The following PHF20 variants were observed in gnomAD, a reference collection of about 807,000 sequenced individuals.
PHF20 encodes the protein PHD finger protein 20, also known as glioma-expressed antigen 2.
PHF20 carries 23 observed loss-of-function variants against 113.5 expected under a neutral mutation model. The ratio of observed to expected loss-of-function variants is 0.20; its 90% CI spans 0.15 to 0.29. The LOEUF (loss-of-function observed/expected upper bound fraction) is 0.29. PHF20 is among the 10% of genes least tolerant of loss of function. PHF20 has a pLI of 1.00. For missense variants in PHF20, 943 were observed against 1,219.6 expected, an observed-to-expected ratio of 0.77 and a Z score of 3.38; for synonymous variants, 434 against 457.3, an observed-to-expected ratio of 0.95 and a Z score of 0.65.
intron 9 of PHF20, among the ~76,000 whole-genome samples, chr20:35,895,905 T>G (rs1445925093): frequency 6.6e-6 from 1 of 152,168 alleles, no homozygotes; most frequent in Non-Finnish European, 1.5e-5. Flanking sequence ...CAGGCTGGTC[T>G]GGAATTCCCG....
intron 1 of PHF20, among the ~76,000 whole-genome samples, chr20:35,794,814 C>T (rs956663910): frequency 6.6e-6 from 1 of 152,136 alleles, no homozygotes; most frequent in Non-Finnish European, 1.5e-5. Flanking sequence ...GCAAGACTTC[C>T]AGTTACCATA....
intron 9 of PHF20, among the ~76,000 whole-genome samples, chr20:35,894,639 AC>A (rs1770245542): frequency 6.6e-6 from 1 of 152,186 alleles, no homozygotes; most frequent in Non-Finnish European, 1.5e-5. Context: ...TGTGCCGTAC[AC>A]CTTTCTAAGC....
intron 2 of PHF20, among the ~76,000 whole-genome samples, chr20:35,841,975 G>C (rs1489865335): frequency 1.3e-5 from 2 of 152,092 alleles, no homozygotes; most frequent in African/African-American, 4.8e-5. Flanking sequence ...ATGTCATCTT[G>C]TTTAATCCAC....
intron 13 of PHF20, among the ~76,000 whole-genome samples, chr20:35,920,582 C>T (rs1462900734): frequency 6.6e-6 from 1 of 152,086 alleles, no homozygotes; most frequent in Non-Finnish European, 1.5e-5. Flanking sequence ...CCCAGGGCAC[C>T]CAGTCAAGTG....
intron 4 of PHF20, chr20:35,853,359 C>T (rs1051093555): frequency 1.3e-5 from 2 of 152,172 alleles, no homozygotes; most frequent in African/African-American, 4.8e-5. Flanking sequence ...TACTTTCAGA[C>T]CAGCCTGAGA....
At chr20:35,894,060 GATA>G (rs1344305670) in intron 9 of PHF20, among the ~76,000 whole-genome samples, 8 of 152,214 alleles carry the variant, frequency 5.3e-5, no homozygotes, top group Non-Finnish European at 1.2e-4. Context: ...AAAAGGTGGA[GATA>G]ATAATCACAC....
At chr20:35,841,410 A>G (rs559453973) in intron 2 of PHF20, among the ~76,000 whole-genome samples, 39 of 152,118 alleles carry the variant, frequency 2.6e-4, no homozygotes, top group African/African-American at 5.8e-4. Context: ...TCTGAATCAT[A>G]TAACTGTATA....
At position 35,899,773 on chromosome 20, in the gene PHF20, C is replaced by T. The variant is rs1568732555; in HGVS notation, c.1561+125C>T. ...TCCAGTTGAATCCCACAGGACTGAA[C>T]ATATTAAGTGATCCTCTGGGCTGTG... On this transcript the variant is annotated intron_variant, in intron 10 of 17. Coordinates refer to ENST00000374012, the MANE Select transcript of PHF20 (RefSeq NM_016436.5). The T allele has an allele frequency of 6.1e-6, 6 of 988,550 alleles. No homozygotes were observed. In the East Asian group the frequency reaches 1.0e-4, roughly 16 times the overall value. The allele number at this position is 988,550 out of a possible 1,614,324, so 61.2% of individuals were successfully genotyped here. A position where few individuals can be genotyped will look rare whatever the true frequency, so the allele number is the denominator to read the frequency against.
chr20:35,896,077 T>C (rs1040438198), intron 9 of PHF20, among the ~76,000 whole-genome samples: 7 of 143,054 alleles, frequency 4.9e-5, no homozygotes, highest in Admixed American at 7.0e-5. Flanking sequence ...CATTATGCTT[T>C]GGGATGTGTG....
rs1385077985 is a variant in PHF20, at chr20:35,793,995, C to CAAAACAAAAAAAA, written c.-32-7492_-32-7491insCAAAAAAAAAAAA. Reference sequence around the variant, plus strand: ...GGGCGACAAGAGCGGGACTCTGTCTCAAAAAAAAAAAAAAAAAAAAAAGGC... The same window carrying CAAAACAAAAAAAA: ...GGGCGACAAGAGCGGGACTCTGTCTCAAAACAAAAAAAAAAAAAAAAAAAAAAAAAAAAAAGGC... On this transcript the variant is annotated intron_variant, in intron 1 of 17. Coordinates refer to ENST00000374012, the MANE Select transcript of PHF20 (RefSeq NM_016436.5). 1.5e-4 allele frequency among the ~76,000 whole-genome samples: 5 copies of CAAAACAAAAAAAA among 33,836 alleles called. 1 individual carries two copies. The highest frequency in any genetic ancestry group is 3.8e-4 in the African/African-American group (3 of 7,866). 22.2% of individuals were successfully genotyped at this position (33,836 alleles called of 152,430 possible). A position where few individuals can be genotyped will look rare whatever the true frequency, so the allele number is the denominator to read the frequency against.
rs369297789 is a variant in PHF20, at chr20:35,873,465, TG to T, written c.1282+1637del. Among the ~76,000 whole-genome samples the T allele has an allele frequency of 9.6e-3, 1,005 of 104,302 alleles. 22 individuals carry two copies. The highest frequency in any genetic ancestry group is 0.021 in the Middle Eastern group (4 of 190). 68.4% of individuals were successfully genotyped at this position (104,302 alleles called of 152,430 possible). A position where few individuals can be genotyped will look rare whatever the true frequency, so the allele number is the denominator to read the frequency against. ...TTTGGCTGTGTTTTGTCTGTTTTTT[TG>T]TTTTTTTTTTTTTTTTTTTTAAGAC... is the stretch of plus-strand genomic sequence containing the variant. On this transcript the variant is annotated intron_variant, in intron 9 of 17. Coordinates refer to ENST00000374012, the MANE Select transcript of PHF20 (RefSeq NM_016436.5).
intron 2 of PHF20, among the ~76,000 whole-genome samples, chr20:35,805,142 G>A (rs1006507925): frequency 2.0e-5 from 3 of 151,578 alleles, no homozygotes; most frequent in Non-Finnish European, 2.9e-5. Flanking sequence ...GGCCTCAGGC[G>A]ATCTGCCCAA....
chr20:35,843,945 A>G (rs919919008), intron 3 of PHF20, among the ~76,000 whole-genome samples: 1 of 152,038 alleles, frequency 6.6e-6, no homozygotes, highest in Non-Finnish European at 1.5e-5. Context: ...TTTTATCTCT[A>G]TGCCTGGAGC....
chr20:35,855,260 G>T, intron 4 of PHF20: 1 of 1,336,534 alleles, frequency 7.5e-7, no homozygotes, highest in East Asian at 4.8e-5. Context: ...TGACAATATA[G>T]GCAGGTAAAA....
At chr20:35,792,596 G>T (rs1334592126) in intron 1 of PHF20, among the ~76,000 whole-genome samples, 1 of 151,786 alleles carries the variant, frequency 6.6e-6, no homozygotes. Flanking sequence ...AAGTAAAAGG[G>T]ACTAATTCCC....
Position 35,785,784 on chromosome 20 carries a change from C to T in PHF20, c.-33+13705C>T, listed in dbSNP as rs879616448. Among the ~76,000 whole-genome samples, 8 of 151,106 alleles carry T rather than the reference C, an allele frequency of 5.3e-5. No homozygotes were observed. In the South Asian group the frequency reaches 6.3e-4, roughly 12 times the overall value. On this transcript the variant is annotated intron_variant, in intron 1 of 17. Transcript: ENST00000374012. ...ATTAAGAAATTCTGTAAGAATAGGCCGGGTGTGGTGGCTCACGCTTGTAAT... is the reference window on the plus strand; with the variant it reads ...ATTAAGAAATTCTGTAAGAATAGGCTGGGTGTGGTGGCTCACGCTTGTAAT...
rs796592062 is a variant in PHF20 at position 35,865,524 on chromosome 20, A to G, written c.808+2124A>G. ...TTTTTTTTTTTTTTTTTTTTTTTTG[A>G]CAGGGTCTCACTCTGTTACCTAGGC... is the stretch of plus-strand genomic sequence containing the variant. On this transcript the variant is annotated intron_variant, in intron 6 of 17. Coordinates refer to ENST00000374012, the MANE Select transcript of PHF20 (RefSeq NM_016436.5). 5.9e-3 allele frequency among the ~76,000 whole-genome samples: 251 copies of G among 42,352 alleles called. 2 individuals carry two copies. Among genetic ancestry groups the G allele is most frequent in the African/African-American group, 0.032 (243 of 7,502 alleles). The allele number at this position is 42,352 out of a possible 152,430, so 27.8% of individuals were successfully genotyped here.
chr20:35,863,161 G>T lies in PHF20; in HGVS notation c.569G>T (p.Arg190Leu). 6.2e-7 allele frequency: 1 copy of T among 1,613,742 alleles called. No homozygotes were observed. The highest frequency in any genetic ancestry group is 1.1e-5 in the South Asian group (1 of 90,988). ...GATAAACCCTTAAAGACAGAAAAGC[G>T]ACCCAAGCAGCCTGATAAAGAAGGA... ...KEDKPLKTEKRPKQPDKEGKL... is the reference protein window; with the variant it reads ...KEDKPLKTEKLPKQPDKEGKL... Residue 190 changes from arginine (R) to leucine (L), a missense_variant, in exon 6 of 18, where the codon CGA becomes CTA. Transcript: ENST00000374012.
chr20:35,852,072 C>T (rs2042742139), intron 4 of PHF20, among the ~76,000 whole-genome samples: 1 of 152,124 alleles, frequency 6.6e-6, no homozygotes, highest in Non-Finnish European at 1.5e-5. Context: ...TTGCCATTAA[C>T]CCCATTCTTA....
Sources: allele counts gnomAD v4.1 joint callset (sites outside exome capture counted in the v4.1 genomes callset), GRCh38; gene constraint gnomAD v4.1.1; transcripts MANE v1.5; gene names NCBI Gene and HGNC (gene_info 2026-07-23, HGNC 2026-07-21).